Variants in TMEM168 observed in about 807,000 individuals in gnomAD.
TMEM168 encodes transmembrane protein 168.
TMEM168 carries 40 observed loss-of-function variants against 53.2 expected under a neutral mutation model. That is an observed-to-expected ratio of 0.75 (90% CI 0.58 to 0.98). TMEM168 has a LOEUF of 0.98. Among genes scored for constraint, TMEM168 ranks in the 50% least tolerant of loss-of-function variants. TMEM168 has a pLI of 0.00. For missense variants in TMEM168, 771 were observed against 828.8 expected, an observed-to-expected ratio of 0.93 and a Z score of 0.86; for synonymous variants, 282 against 293.0, an observed-to-expected ratio of 0.96 and a Z score of 0.38.
In TMEM168 at chr7:112,763,158, A is replaced by C. The variant is rs1377271742; in HGVS notation, c.*4039T>G. On this transcript the variant is annotated 3_prime_UTR_variant, in exon 5 of 5. Coordinates refer to ENST00000312814, the MANE Select transcript of TMEM168 (RefSeq NM_022484.6). ...CAAAAAGCCATTTTTTGGCAACATC[A>C]GCTATGTTTTCATTCAAACCAGTTC... 1 of 152,084 alleles carries C rather than the reference A, an allele frequency of 6.6e-6. No individual in the cohort carries two copies. Among genetic ancestry groups the C allele is most frequent in the African/African-American group, 2.4e-5 (1 of 41,440 alleles). 9.4% of individuals were successfully genotyped at this position (152,084 alleles called of 1,614,324 possible). A position where few individuals can be genotyped will look rare whatever the true frequency, so the allele number is the denominator to read the frequency against.
chr7:112,765,166 T>A lies in TMEM168; in HGVS notation c.*2031A>T, dbSNP rs979274789. The A allele has an allele frequency of 2.6e-5, 4 of 152,142 alleles. No homozygotes were observed. Among genetic ancestry groups the A allele is most frequent in the African/African-American group, 7.2e-5 (3 of 41,434 alleles). 9.4% of individuals were successfully genotyped at this position (152,142 alleles called of 1,614,324 possible). On this transcript the variant is annotated 3_prime_UTR_variant, in exon 5 of 5. Transcript: ENST00000312814. ...TTTGTGATACCATCCCAAAAAGTCA[T>A]TTATTGTTTTTTGTTTGTTTGGGTA...
intron 2 of TMEM168, among the ~76,000 whole-genome samples, chr7:112,781,554 G>GTAC (rs1793231697): frequency 6.6e-6 from 1 of 152,076 alleles, no homozygotes; most frequent in African/African-American, 2.4e-5. Flanking sequence ...CACAATGGTA[G>GTAC]ACATATAGGT....
rs767366173 is a variant in TMEM168, at chr7:112,766,146, C to G, written c.*1051G>C. On this transcript the variant is annotated 3_prime_UTR_variant, in exon 5 of 5. Coordinates refer to ENST00000312814, the MANE Select transcript of TMEM168 (RefSeq NM_022484.6). ...ACAAAACACTAAGTTTTAAAAATTA[C>G]AACCACAATATTATGCCTAACTAAA... The G allele has an allele frequency of 2.9e-4, 45 of 152,678 alleles. No homozygotes were observed. Among genetic ancestry groups the G allele is most frequent in the Admixed American group, 3.3e-4 (5 of 15,300 alleles). 9.5% of individuals were successfully genotyped at this position (152,678 alleles called of 1,614,324 possible).
Position 112,784,158 on chromosome 7 carries a change from G to A in TMEM168, c.668C>T (p.Pro223Leu), listed in dbSNP as rs759125359. The A allele has an allele frequency of 1.4e-5, 23 of 1,613,852 alleles. No individual in the cohort carries two copies. Among genetic ancestry groups the A allele is most frequent in the South Asian group, 1.2e-4 (11 of 91,032 alleles). Reference protein sequence around the residue: ...FFSSLETPKNPIAFACFFICL... With the variant: ...FFSSLETPKNLIAFACFFICL... ...AATAAAAAAACACGCAAAAGCAATC[G>A]GATTTTTGGGAGTTTCCAATGAGGA... The change falls in exon 2 of 5, where the codon CCG (proline) becomes CTG (leucine). Residue 223 changes from proline (P) to leucine (L), a missense_variant. Pro to Leu is a moderately conservative substitution (Grantham distance 98). Transcript: ENST00000312814.
At chr7:112,787,739 T>TTTTTTTTTTTTTTTTTTTTTTTTTTTC (rs1793429055) in intron 1 of TMEM168, among the ~76,000 whole-genome samples, 1 of 89,426 alleles carries the variant, frequency 1.1e-5, no homozygotes, top group Non-Finnish European at 2.2e-5. Context: ...TTTTTTTTTT[T>TTTTTTTTTTTTTTTTTTTTTTTTTTTC]TTTTTTTTTT....
Position 112,765,341 on chromosome 7 carries a change from T to G in TMEM168, c.*1856A>C, listed in dbSNP as rs1261597245. On this transcript the variant is annotated 3_prime_UTR_variant, in exon 5 of 5. Transcript: ENST00000312814. ...TTGTGGCTGTCAAACTGTCAGCTGT[T>G]TTTAAAATGTAATTTTTAGTACCAC... 1 of 152,210 alleles carries G rather than the reference T, an allele frequency of 6.6e-6. No individual in the cohort carries two copies. The highest frequency in any genetic ancestry group is 2.4e-5 in the African/African-American group (1 of 41,454). The allele number at this position is 152,210 out of a possible 1,614,324, so 9.4% of individuals were successfully genotyped here. A position where few individuals can be genotyped will look rare whatever the true frequency, so the allele number is the denominator to read the frequency against.
At position 112,766,218 on chromosome 7, in the gene TMEM168, A is replaced by G. The variant is rs1040651576; in HGVS notation, c.*979T>C. On this transcript the variant is annotated 3_prime_UTR_variant, in exon 5 of 5. Transcript: ENST00000312814. ...TTACAGAATACATTACATGTATACC[A>G]GAAGAGAAATACTTGTTTCCTATCC... 1 of 152,420 alleles carries G rather than the reference A, an allele frequency of 6.6e-6. No individual in the cohort carries two copies. The highest frequency in any genetic ancestry group is 2.4e-5 in the African/African-American group (1 of 41,462). The allele number at this position is 152,420 out of a possible 1,614,324, so 9.4% of individuals were successfully genotyped here.
chr7:112,767,770 A>C, intron 4 of TMEM168, 26 bp from the exon 5 acceptor site: 1 of 1,559,914 alleles, frequency 6.4e-7, no homozygotes, highest in South Asian at 1.2e-5. Flanking sequence ...AATTCAATGG[A>C]GCAATAATTT....
intron 3 of TMEM168, among the ~76,000 whole-genome samples, chr7:112,774,008 T>TATACA (rs1793001409): frequency 6.6e-6 from 1 of 152,202 alleles, no homozygotes. Context: ...AACTTTGTAT[T>TATACA]AAGTCTTTAA....
chr7:112,771,752 ATAC>A (rs1321878201), intron 4 of TMEM168, among the ~76,000 whole-genome samples: 1 of 151,984 alleles, frequency 6.6e-6, no homozygotes, highest in Admixed American at 6.6e-5. Context: ...CTGTCCTTCC[ATAC>A]TACTTCTATT....
In TMEM168 at chr7:112,784,361, G is replaced by A. The variant is rs1205996875; in HGVS notation, c.465C>T (p.Thr155=). 2 of 1,614,166 alleles carry A rather than the reference G, an allele frequency of 1.2e-6. No homozygotes were observed. Among genetic ancestry groups the A allele is most frequent in the Non-Finnish European group, 1.7e-6 (2 of 1,180,022 alleles). Reference sequence around the variant, plus strand: ...CAACAAGCTCCAGAAATTCAACTGTGGTTAGTAAAGTGGGCCGATGACGGA... The same window carrying A: ...CAACAAGCTCCAGAAATTCAACTGTAGTTAGTAAAGTGGGCCGATGACGGA... The part of the protein sequence containing the change: ...GYVRHRPTLL[T]TVEFLELVGF... Residue 155 remains threonine, a synonymous_variant, in exon 2 of 5, where the codon ACC becomes ACT. Transcript: ENST00000312814.
At position 112,767,037 on chromosome 7, in the gene TMEM168, G is replaced by C. The variant is rs1042731321; in HGVS notation, c.*160C>G. 13 of 704,454 alleles carry C rather than the reference G, an allele frequency of 1.8e-5. No homozygotes were observed. The highest frequency in any genetic ancestry group is 2.7e-5 in the Non-Finnish European group (12 of 438,850). 43.6% of individuals were successfully genotyped at this position (704,454 alleles called of 1,614,324 possible). ...TCATTATAAAATGTTTTTTCCCAAC[G>C]CCTTATATATACCATAATTACTTAA... On this transcript the variant is annotated 3_prime_UTR_variant, in exon 5 of 5. Coordinates refer to ENST00000312814, the MANE Select transcript of TMEM168 (RefSeq NM_022484.6).
intron 4 of TMEM168, among the ~76,000 whole-genome samples, chr7:112,768,328 C>G (rs534699056): frequency 2.0e-5 from 3 of 152,250 alleles, no homozygotes; most frequent in African/African-American, 7.2e-5. Flanking sequence ...AGCTGAATAG[C>G]TGCAACAGGC....
At chr7:112,781,350 C>T (rs1176275017) in intron 2 of TMEM168, among the ~76,000 whole-genome samples, 4 of 152,064 alleles carry the variant, frequency 2.6e-5, no homozygotes, top group Non-Finnish European at 5.9e-5. Context: ...CATGCCATGC[C>T]ACAAAACAAG....
intron 2 of TMEM168, among the ~76,000 whole-genome samples, chr7:112,777,682 T>C (rs1480325747): frequency 6.6e-6 from 1 of 152,178 alleles, no homozygotes; most frequent in African/African-American, 2.4e-5. Flanking sequence ...AACACTGAAA[T>C]AATTTATTTC....
At position 112,764,700 on chromosome 7, in the gene TMEM168, C is replaced by G. The variant is rs1271111836; in HGVS notation, c.*2497G>C. The G allele has an allele frequency of 6.6e-6, 1 of 151,986 alleles. No homozygotes were observed. The highest frequency in any genetic ancestry group is 6.6e-5 in the Admixed American group (1 of 15,230). The allele number at this position is 151,986 out of a possible 1,614,324, so 9.4% of individuals were successfully genotyped here. A position where few individuals can be genotyped will look rare whatever the true frequency, so the allele number is the denominator to read the frequency against. On this transcript the variant is annotated 3_prime_UTR_variant, in exon 5 of 5. Transcript: ENST00000312814. The stretch of plus-strand genomic sequence containing the variant: ...ATTTTTAGTAGAGATGGGGTTTCAC[C>G]ATGTTGGCCAGATGGTCTCCATCTC...
In TMEM168 at chr7:112,771,069, C is replaced by A. The variant is rs552483253; in HGVS notation, c.1546+1712G>T. On this transcript the variant is annotated intron_variant, in intron 4 of 4. Transcript: ENST00000312814. ...TATACTTTACCTGAAACTGAAGTAG[C>A]CATAAAGGTTAAAAAGATGCTTTCT... Among the ~76,000 whole-genome samples the A allele has an allele frequency of 3.3e-4, 50 of 152,120 alleles. 1 individual carries two copies. In the Middle Eastern group the frequency reaches 0.014, roughly 41 times the overall value.
At chr7:112,783,247 A>C (rs1793277286) in intron 2 of TMEM168, among the ~76,000 whole-genome samples, 1 of 152,252 alleles carries the variant, frequency 6.6e-6, no homozygotes, top group African/African-American at 2.4e-5. Flanking sequence ...AAATGGCTGC[A>C]TAAAAGAAAC....
In TMEM168 at chr7:112,773,557, G is replaced by A. The variant is rs146107930; in HGVS notation, c.1272-502C>T. On this transcript the variant is annotated intron_variant, in intron 3 of 4. Transcript: ENST00000312814. ...AACTTAAGGTACATAAATAATAGAA[G>A]AAATTATCTATTAATAGGCATTTAA... Among the ~76,000 whole-genome samples, 415 of 151,830 alleles carry A rather than the reference G, an allele frequency of 2.7e-3. 2 individuals carry two copies. The highest frequency in any genetic ancestry group is 9.1e-3 in the African/African-American group (378 of 41,436).
Sources: gnomAD v4.1 joint callset for allele counts (sites outside exome capture counted in the v4.1 genomes callset) on GRCh38, gnomAD v4.1.1 for gene constraint, MANE v1.5 for transcripts, NCBI Gene and HGNC (gene_info 2026-07-23, HGNC 2026-07-21) for gene names.